GRIP1: variants seen among roughly 807,000 people sequenced by gnomAD.
GRIP1 encodes glutamate receptor interacting protein 1.
Under a neutral mutation model 129.9 loss-of-function variants are expected in GRIP1, and 45 were observed. The ratio of observed to expected loss-of-function variants is 0.35; its 90% CI spans 0.27 to 0.44. The LOEUF is 0.44. GRIP1 is among the 20% of genes least tolerant of loss of function. GRIP1 has a pLI of 1.00. For synonymous variants in GRIP1, 530 were observed against 520.8 expected (o/e 1.02, Z -0.24); for missense variants, 1,196 against 1,396.8 (o/e 0.86, Z 2.29).
chr12:66,859,163 G>A (rs1272222991), intron 1 of GRIP1, among the ~76,000 whole-genome samples: 3 of 150,580 alleles, frequency 2.0e-5, no homozygotes, highest in Non-Finnish European at 1.5e-5. Flanking sequence ...TAAGCCAGAA[G>A]CAAAACCATT....
chr12:66,513,351 C>T (rs11613274), intron 7 of GRIP1, among the ~76,000 whole-genome samples: 14,325 of 152,074 alleles, frequency 0.094, 836 homozygotes, highest in Non-Finnish European at 0.13. Context: ...ACAGCTTATT[C>T]GGGTAACCTC....
intron 14 of GRIP1, among the ~76,000 whole-genome samples, chr12:66,422,020 C>T (rs2057819128): frequency 6.6e-6 from 1 of 152,078 alleles, no homozygotes; most frequent in Non-Finnish European, 1.5e-5. Flanking sequence ...ATTTTGCCAA[C>T]CTGAAGGCTG....
chr12:66,716,843 C>A (rs1410525854), intron 1 of GRIP1, among the ~76,000 whole-genome samples: 1 of 151,958 alleles, frequency 6.6e-6, no homozygotes, highest in African/African-American at 2.4e-5. Context: ...TTTTGACACC[C>A]TCATCAACTC....
intron 1 of GRIP1, among the ~76,000 whole-genome samples, chr12:66,715,471 TGAGAGAGAGAGAGAGAGA>T (rs71447469): frequency 2.7e-5 from 3 of 110,056 alleles, no homozygotes; most frequent in South Asian, 3.1e-4. Context: ...TGTGTGTGTG[TGAGAGAGAGAGAGAGAGA>T]GAGAGAGAGA....
At chr12:66,749,364 A>G (rs540291210) in intron 1 of GRIP1, among the ~76,000 whole-genome samples, 151 of 152,212 alleles carry the variant, frequency 9.9e-4, no homozygotes, top group African/African-American at 3.6e-3. Flanking sequence ...TCAATTCTCA[A>G]TGGCCCCTAC....
At chr12:66,541,256 A>G (rs577779937) in intron 3 of GRIP1, among the ~76,000 whole-genome samples, 119 of 152,364 alleles carry the variant, frequency 7.8e-4, no homozygotes, top group South Asian at 3.9e-3. Context: ...GTTCATGGAA[A>G]GAAAGACAGG....
Position 66,826,567 on chromosome 12 carries a change from G to A in GRIP1, c.59-229640C>T, listed in dbSNP as rs1351135208. Among the ~76,000 whole-genome samples the A allele has an allele frequency of 2.0e-5, 3 of 151,968 alleles. 1 individual carries two copies. The highest frequency in any genetic ancestry group is 4.4e-5 in the Non-Finnish European group (3 of 68,012). Reference sequence around the variant, plus strand: ...ACAGTAAGCAAAATGTTATTTTATGGTAATTGAATCTAAGTTCTATTTCTA... The same window carrying A: ...ACAGTAAGCAAAATGTTATTTTATGATAATTGAATCTAAGTTCTATTTCTA... On this transcript the variant is annotated intron_variant, in intron 1 of 1. Coordinates refer to the GRIP1 transcript ENST00000643019.
chr12:66,464,309 T>C (rs1436228834), intron 8 of GRIP1, among the ~76,000 whole-genome samples: 1 of 152,234 alleles, frequency 6.6e-6, no homozygotes, highest in East Asian at 1.9e-4. Flanking sequence ...AGTCTTTTTT[T>C]ATCTTCCCCT....
At chr12:67,011,119 T>C (rs2042700631) in intron 1 of GRIP1, among the ~76,000 whole-genome samples, 1 of 152,158 alleles carries the variant, frequency 6.6e-6, no homozygotes. Context: ...TACTTAGCTA[T>C]CTCATTGGCA....
intron 1 of GRIP1, chr12:66,630,370 C>T (rs1159410406): frequency 1.3e-5 from 2 of 152,036 alleles, no homozygotes; most frequent in Non-Finnish European, 2.9e-5. Context: ...ATCAGAATCC[C>T]TGTCCTCAAA....
chr12:66,473,044 C>A (rs2059486125), intron 7 of GRIP1, among the ~76,000 whole-genome samples: 1 of 151,886 alleles, frequency 6.6e-6, no homozygotes, highest in Non-Finnish European at 1.5e-5. Context: ...CAGACCCCAG[C>A]CCCATGGAGC....
At chr12:66,701,383 T>C (rs895022071) in intron 1 of GRIP1, among the ~76,000 whole-genome samples, 1 of 152,116 alleles carries the variant, frequency 6.6e-6, no homozygotes. Flanking sequence ...ATTTTGTCAA[T>C]AGGAAATATA....
At chr12:66,365,152 TG>T (rs111679585) in intron 23 of GRIP1, among the ~76,000 whole-genome samples, 3,682 of 152,298 alleles carry the variant, frequency 0.024, 155 homozygotes, top group African/African-American at 0.082. Flanking sequence ...ATTATGGTTT[TG>T]GGGTGGGCAT....
intron 1 of GRIP1, among the ~76,000 whole-genome samples, chr12:66,931,717 G>T (rs2041399032): frequency 6.6e-6 from 1 of 152,122 alleles, no homozygotes; most frequent in African/African-American, 2.4e-5. Flanking sequence ...CCAGAAATTA[G>T]AAATCTGAGA....
chr12:66,444,718 A>T lies in GRIP1; in HGVS notation c.1553T>A (p.Leu518Gln). The change falls in exon 13 of 25, where the codon CTA becomes CAA. Residue 518 changes from leucine to glutamine, a missense_variant. Leu to Gln is a moderately radical substitution (Grantham distance 113). Transcript: ENST00000359742. ...ADSPAERCGV[L>Q]QIGDRVMAIN... ...GGCCATCACTCTGTCTCCAATCTGTAGCACCCCACATCTAATTTAGAACCA... is the reference window on the plus strand; with the variant it reads ...GGCCATCACTCTGTCTCCAATCTGTTGCACCCCACATCTAATTTAGAACCA... 2 of 1,614,070 alleles carry T rather than the reference A, an allele frequency of 1.2e-6. No individual in the cohort carries two copies. Among genetic ancestry groups the T allele is most frequent in the Non-Finnish European group, 1.7e-6 (2 of 1,179,972 alleles).
chr12:66,479,893 T>C (rs919873856), intron 7 of GRIP1, among the ~76,000 whole-genome samples: 1 of 152,116 alleles, frequency 6.6e-6, no homozygotes, highest in Non-Finnish European at 1.5e-5. Context: ...AAACTCTCAA[T>C]AAACTAGGTA....
chr12:66,415,123 C>T (rs971669728), intron 15 of GRIP1, among the ~76,000 whole-genome samples: 2 of 151,740 alleles, frequency 1.3e-5, no homozygotes, highest in Admixed American at 6.6e-5. Flanking sequence ...ACAAAAGAAA[C>T]TTTGATAAAT....
intron 1 of GRIP1, among the ~76,000 whole-genome samples, chr12:66,972,252 A>T (rs1358206772): frequency 6.6e-6 from 1 of 152,204 alleles, no homozygotes; most frequent in Non-Finnish European, 1.5e-5. Context: ...AAAAAGTAGG[A>T]ATCTAGTCTC....
intron 23 of GRIP1, among the ~76,000 whole-genome samples, chr12:66,362,345 G>GT (rs1358399055): frequency 6.6e-5 from 10 of 151,728 alleles, no homozygotes; most frequent in African/African-American, 2.4e-4. Flanking sequence ...TAGAGATGGG[G>GT]TTTCTCCATG....
Sources: gnomAD v4.1 joint callset for allele counts (sites outside exome capture counted in the v4.1 genomes callset) on GRCh38, gnomAD v4.1.1 for gene constraint, MANE v1.5 for transcripts, NCBI Gene and HGNC (gene_info 2026-07-23, HGNC 2026-07-21) for gene names.